The following EVC2 variants were observed in gnomAD, a reference collection of about 807,000 sequenced individuals.
EVC2 encodes the protein EvC ciliary complex subunit 2.
EVC2 carries 148 observed loss-of-function variants against 149.3 expected under a neutral mutation model. The observed-to-expected ratio is 0.99, with a 90% CI of 0.87 to 1.14. The LOEUF (loss-of-function observed/expected upper bound fraction) is 1.14. Among genes scored for constraint, EVC2 ranks in the 50% most tolerant of loss-of-function variants. EVC2 has a pLI of 0.00. For synonymous variants in EVC2, 776 were observed against 649.9 expected (o/e 1.19, Z -2.95); for missense variants, 1,854 against 1,627.3 (o/e 1.14, Z -2.40).
intron 11 of EVC2, among the ~76,000 whole-genome samples, chr4:5,629,255 G>A (rs1303673929): frequency 6.6e-6 from 1 of 152,218 alleles, no homozygotes; most frequent in Non-Finnish European, 1.5e-5. Context: ...CCTAGATAAT[G>A]TGAGGTGTGT....
downstream of EVC2, among the ~76,000 whole-genome samples, chr4:5,559,097 C>A (rs1037063524): frequency 6.6e-6 from 1 of 152,142 alleles, no homozygotes; most frequent in African/African-American, 2.4e-5. This position sits in a 1 kb window ranked among gnomAD's most constrained non-coding sequence, Gnocchi z 5.0. Context: ...GTAGTCCCAG[C>A]TACTTGGGAG....
At chr4:5,699,137 C>T (rs1187389468) in intron 1 of EVC2, among the ~76,000 whole-genome samples, 1 of 152,150 alleles carries the variant, frequency 6.6e-6, no homozygotes, top group East Asian at 1.9e-4. Flanking sequence ...ATGGAGACTC[C>T]TGGAGGGACA....
intron 17 of EVC2, 98 bp downstream of exon 17, chr4:5,584,525 G>C: frequency 8.0e-7 from 1 of 1,242,354 alleles, no homozygotes; most frequent in South Asian, 1.3e-5. Flanking sequence ...AGCACAGACA[G>C]GACGGGGGTT....
chr4:5,569,213 A>G lies in EVC2; in HGVS notation c.3361-573T>C, dbSNP rs895947850. ...GGCGTGATGAGACTTGGAACTGGAG[A>G]GCGGCAGTGGATGCCAGGTGTGGGG... On this transcript the variant is annotated intron_variant, in intron 19 of 21. Transcript: ENST00000344408. The surrounding 1 kb of genome is among the most constrained non-coding windows in gnomAD (Gnocchi z 4.8). 6.6e-6 allele frequency among the ~76,000 whole-genome samples: 1 copy of G among 152,156 alleles called. No individual in the cohort carries two copies. The highest frequency in any genetic ancestry group is 3.2e-3 in the Middle Eastern group (1 of 316).
chr4:5,621,682 G>T (rs946255434), intron 14 of EVC2, among the ~76,000 whole-genome samples: 1 of 152,124 alleles, frequency 6.6e-6, no homozygotes, highest in Non-Finnish European at 1.5e-5. Context: ...GTGGGCACTG[G>T]CCCCTCTGGA....
intron 7 of EVC2, 133 bp from the exon 8 acceptor site, chr4:5,665,782 C>CAGCT (rs1401835137): frequency 2.1e-6 from 3 of 1,401,356 alleles, no homozygotes; most frequent in Non-Finnish European, 3.0e-6. Context: ...CTCGCTCTGC[C>CAGCT]AGCTACCAGC....
Position 5,563,193 on chromosome 4 carries a change from T to G in EVC2, c.3660-78A>C, listed in dbSNP as rs1577093596. On this transcript the variant is annotated intron_variant, in intron 21 of 21. Transcript: ENST00000344408. Reference sequence around the variant, plus strand: ...GAGTGTTCTGAGTTCTCCAAGAGAATCCCTCCTTGGGTCCTGAATTCCCCA... The same window carrying G: ...GAGTGTTCTGAGTTCTCCAAGAGAAGCCCTCCTTGGGTCCTGAATTCCCCA... 1.2e-5 allele frequency: 17 copies of G among 1,416,004 alleles called. No individual in the cohort carries two copies. In the East Asian group the frequency reaches 3.9e-4, roughly 32 times the overall value. 87.7% of individuals were successfully genotyped at this position (1,416,004 alleles called of 1,614,324 possible). A position where few individuals can be genotyped will look rare whatever the true frequency, so the allele number is the denominator to read the frequency against.
At chr4:5,548,341 G>C (rs909346173) in intron 21 of EVC2, among the ~76,000 whole-genome samples, 1 of 150,360 alleles carries the variant, frequency 6.7e-6, no homozygotes, top group Non-Finnish European at 1.5e-5. Context: ...GAAATGATGG[G>C]AGCTGCAGCA....
chr4:5,661,542 C>T (rs1718875318), intron 9 of EVC2, among the ~76,000 whole-genome samples: 1 of 152,164 alleles, frequency 6.6e-6, no homozygotes, highest in Non-Finnish European at 1.5e-5. Flanking sequence ...CGTCTTCAGT[C>T]AGACACTTCA....
At chr4:5,539,776 A>ACAC (rs1560114284), downstream of EVC2, among the ~76,000 whole-genome samples, 17 of 150,380 alleles carry the variant, frequency 1.1e-4, no homozygotes, top group African/African-American at 3.6e-4. Flanking sequence ...ATACTACAAA[A>ACAC]ACACACACAC....
At chr4:5,586,221 T>C (rs1033409375) in intron 16 of EVC2, among the ~76,000 whole-genome samples, 3 of 152,218 alleles carry the variant, frequency 2.0e-5, no homozygotes, top group African/African-American at 7.2e-5. Context: ...CATCTTCTTC[T>C]GGGTTGAGGA....
At chr4:5,703,949 A>G (rs1328139130) in intron 1 of EVC2, among the ~76,000 whole-genome samples, 1 of 152,152 alleles carries the variant, frequency 6.6e-6, no homozygotes, top group South Asian at 2.1e-4. Context: ...GCATTAGTTC[A>G]GGCAGAGGAA....
At position 5,694,475 on chromosome 4, in the gene EVC2, C is replaced by G; in HGVS notation, c.310G>C (p.Asp104His). The G allele has an allele frequency of 2.5e-6, 4 of 1,614,176 alleles. No homozygotes were observed. Among genetic ancestry groups the G allele is most frequent in the Non-Finnish European group, 3.4e-6 (4 of 1,180,036 alleles). The change falls in exon 3 of 22, where the codon GAC (aspartate) becomes CAC (histidine). Residue 104 changes from aspartate (D) to histidine (H), a missense_variant. Physicochemically the swap from Asp to His is moderately conservative, Grantham distance 81. Transcript: ENST00000344408. Reference sequence around the variant, plus strand: ...GGGATGAAGACTTCCATTTTCTTGTCCAATTTCATTCCAAGTGGTGCTTCC... The same window carrying G: ...GGGATGAAGACTTCCATTTTCTTGTGCAATTTCATTCCAAGTGGTGCTTCC... ...AVEAPLGMKLDKKMEVFIPLS... is the reference protein window; with the variant it reads ...AVEAPLGMKLHKKMEVFIPLS...
In EVC2 at chr4:5,567,516, A is replaced by G. The variant is rs529838952; in HGVS notation, c.3557+928T>C. Among the ~76,000 whole-genome samples the G allele has an allele frequency of 2.6e-5, 4 of 152,042 alleles. No homozygotes were observed. In the East Asian group the frequency reaches 7.7e-4, roughly 29 times the overall value. ...GCTGTGAGCTCTGCATCCTGGTGCA[A>G]TGTTTTCATCCTGGCCATGGCTTTC... On this transcript the variant is annotated intron_variant, in intron 20 of 21. Coordinates refer to ENST00000344408, the MANE Select transcript of EVC2 (RefSeq NM_147127.5). The surrounding 1 kb of genome is among the most constrained non-coding windows in gnomAD (Gnocchi z 4.4).
chr4:5,565,183 C>G, intron 21 of EVC2, 75 bp downstream of exon 21: 1 of 1,431,606 alleles, frequency 7.0e-7, no homozygotes, highest in Non-Finnish European at 9.8e-7. Context: ...TTGTCACCTC[C>G]TGCCTCCCCA....
intron 12 of EVC2, 143 bp from the exon 13 acceptor site, chr4:5,626,051 G>T: frequency 1.0e-6 from 1 of 991,922 alleles, no homozygotes; most frequent in Non-Finnish European, 1.5e-6. Context: ...ACAAGAATGG[G>T]CAGCTAAGAT....
chr4:5,654,880 G>A (rs2108884300), intron 9 of EVC2, among the ~76,000 whole-genome samples: 1 of 152,272 alleles, frequency 6.6e-6, no homozygotes, highest in Non-Finnish European at 1.5e-5. Context: ...CTGCAATGCT[G>A]GTTTCATCTT....
At chr4:5,663,289 G>A (rs1305939517) in intron 8 of EVC2, 43 bp from the exon 9 acceptor site, 1 of 1,612,646 alleles carries the variant, frequency 6.2e-7, no homozygotes, top group East Asian at 2.2e-5. Context: ...GGGCCTTCTT[G>A]TGAATTCCAC....
intron 21 of EVC2, among the ~76,000 whole-genome samples, chr4:5,556,789 G>A (rs1721847660): frequency 6.6e-6 from 1 of 152,148 alleles, no homozygotes; most frequent in African/African-American, 2.4e-5. Flanking sequence ...CATCATAAAA[G>A]AATGCTGTGA....
Sources: gnomAD v4.1 joint callset for allele counts (sites outside exome capture counted in the v4.1 genomes callset) on GRCh38, gnomAD v4.1.1 for gene constraint, Gnocchi (gnomAD v3.1) non-coding constraint, MANE v1.5 for transcripts, NCBI Gene and HGNC (gene_info 2026-07-23, HGNC 2026-07-21) for gene names.